The following TTC39A variants were observed in gnomAD, a reference collection of about 807,000 sequenced individuals.
The protein encoded by TTC39A is tetratricopeptide repeat protein 39A.
TTC39A carries 46 observed loss-of-function variants against 82.3 expected under a neutral mutation model. The ratio of observed to expected loss-of-function variants is 0.56; its 90% CI spans 0.44 to 0.71. TTC39A has a LOEUF of 0.71. TTC39A is among the 30% of genes least tolerant of loss of function. TTC39A has a pLI of 0.00. For missense variants in TTC39A, 543 were observed against 712.9 expected (o/e 0.76, Z 2.71); for synonymous variants, 254 against 275.2 (o/e 0.92, Z 0.76).
chr1:51,308,271 G>A (rs989479373), intron 6 of TTC39A, among the ~76,000 whole-genome samples: 6 of 147,646 alleles, frequency 4.1e-5, no homozygotes, highest in Non-Finnish European at 5.9e-5. Context: ...ATGACGTCTC[G>A]CTCTGTCACC....
chr1:51,312,442 T>C (rs1462681491), intron 3 of TTC39A, among the ~76,000 whole-genome samples: 1 of 152,208 alleles, frequency 6.6e-6, no homozygotes, highest in African/African-American at 2.4e-5. Context: ...GCTGAGGCTA[T>C]ACAGCAGCTC....
intron 1 of TTC39A, chr1:51,344,968 G>T: frequency 2.6e-6 from 4 of 1,526,336 alleles, no homozygotes; most frequent in Non-Finnish European, 3.5e-6. Flanking sequence ...GCCTTCCGCC[G>T]AGTCCCCACC....
At chr1:51,308,235 G>A (rs1021859344) in intron 6 of TTC39A, among the ~76,000 whole-genome samples, 88 of 149,078 alleles carry the variant, frequency 5.9e-4, no homozygotes, top group African/African-American at 2.1e-3. Context: ...ACCTCTTGCC[G>A]CCACCCCCCC....
chr1:51,322,278 G>C (rs1214243330), intron 1 of TTC39A: 1 of 1,440,310 alleles, frequency 6.9e-7, no homozygotes, highest in East Asian at 2.5e-5. Flanking sequence ...TAGAATCCCT[G>C]ACGTTGTCAC....
At chr1:51,317,099 AG>A (rs1399966437) in intron 2 of TTC39A, among the ~76,000 whole-genome samples, 1 of 152,236 alleles carries the variant, frequency 6.6e-6, no homozygotes, top group Non-Finnish European at 1.5e-5. Flanking sequence ...TGGAAAGCAG[AG>A]GCAAGGCGGG....
In TTC39A at chr1:51,303,648, C is replaced by T. The variant is rs1305470588; in HGVS notation, c.655-456G>A. Among the ~76,000 whole-genome samples the T allele has an allele frequency of 2.0e-5, 3 of 152,192 alleles. 1 individual carries two copies. The highest frequency in any genetic ancestry group is 7.2e-5 in the African/African-American group (3 of 41,450). On this transcript the variant is annotated intron_variant, in intron 8 of 17. Coordinates refer to ENST00000680483, the MANE Select transcript of TTC39A (RefSeq NM_001297663.2). Reference sequence around the variant, plus strand: ...GGAGGGGCTGGGGGCAGACCCCCCACCTTGTTTCCCTGCCTGCAGTCTCTG... The same window carrying T: ...GGAGGGGCTGGGGGCAGACCCCCCATCTTGTTTCCCTGCCTGCAGTCTCTG...
chr1:51,342,128 T>C (rs538460461), intron 1 of TTC39A, among the ~76,000 whole-genome samples: 83 of 152,324 alleles, frequency 5.4e-4, no homozygotes, highest in African/African-American at 1.8e-3. Flanking sequence ...GGCTATGGTA[T>C]GGCTAAGAAG....
At chr1:51,296,005 G>A (rs1644404741) in intron 13 of TTC39A, 74 bp downstream of exon 13, 1 of 1,499,224 alleles carries the variant, frequency 6.7e-7, no homozygotes, top group East Asian at 2.5e-5. Flanking sequence ...GCTCAGGGTG[G>A]CCTGGCTGGT....
chr1:51,324,393 A>G (rs1364818947), intron 1 of TTC39A, among the ~76,000 whole-genome samples: 2 of 152,110 alleles, frequency 1.3e-5, no homozygotes, highest in Admixed American at 6.5e-5. Flanking sequence ...AGATTTCTGA[A>G]ATGTGTAAAT....
rs763633434 is a variant in TTC39A, at chr1:51,288,241, G to A, written c.1650C>T (p.His550=). Residue 550 remains histidine (H), a synonymous_variant, in exon 18 of 18, where the codon CAC becomes CAT. Transcript: ENST00000680483. The surrounding 1 kb of genome is among the most constrained non-coding windows in gnomAD (Gnocchi z 4.8). ...YKNYSMESRT[H]FRIQAATLQA... is the part of the protein sequence containing the mutation. ...GGAGTGTGGCTGCCTGGATTCGAAA[G>A]TGTGTCCTTGACTCCATGGAGTAAT... 1.2e-6 allele frequency: 2 copies of A among 1,613,938 alleles called. No individual in the cohort carries two copies. The highest frequency in any genetic ancestry group is 1.3e-5 in the African/African-American group (1 of 74,946).
At chr1:51,307,099 C>T (rs1406887450) in intron 6 of TTC39A, among the ~76,000 whole-genome samples, 2 of 152,134 alleles carry the variant, frequency 1.3e-5, no homozygotes, top group Non-Finnish European at 2.9e-5. Context: ...GGCCCAATGA[C>T]CTAAGGCAGA....
chr1:51,344,165 C>G (rs1323001776), intron 1 of TTC39A, among the ~76,000 whole-genome samples: 1 of 152,100 alleles, frequency 6.6e-6, no homozygotes, highest in Non-Finnish European at 1.5e-5. Context: ...CACGGGGACA[C>G]CGGAGGAGGA....
At chr1:51,332,386 G>A (rs1328235346), upstream of TTC39A, among the ~76,000 whole-genome samples, 4 of 152,162 alleles carry the variant, frequency 2.6e-5, no homozygotes, top group African/African-American at 7.2e-5. Context: ...ACAGCCTCCC[G>A]AGTAGCTGAG....
chr1:51,344,672 C>G (rs1490647643), intron 1 of TTC39A, among the ~76,000 whole-genome samples: 1 of 152,238 alleles, frequency 6.6e-6, no homozygotes, highest in Non-Finnish European at 1.5e-5. Flanking sequence ...CGCCGCTGCC[C>G]AAACCTGACC....
chr1:51,313,624 C>A (rs1028060102), intron 2 of TTC39A, among the ~76,000 whole-genome samples: 2 of 152,222 alleles, frequency 1.3e-5, no homozygotes, highest in Non-Finnish European at 2.9e-5. Flanking sequence ...CCCAGCCACA[C>A]TGAACCACAC....
chr1:51,307,066 G>C (rs907375439), intron 6 of TTC39A, among the ~76,000 whole-genome samples: 1 of 152,182 alleles, frequency 6.6e-6, no homozygotes, highest in African/African-American at 2.4e-5. Flanking sequence ...AACCACCTTG[G>C]CATATTTGAA....
upstream of TTC39A, chr1:51,331,065 C>T: frequency 2.0e-6 from 2 of 975,800 alleles, no homozygotes; most frequent in Non-Finnish European, 3.2e-6. Context: ...GCAGTTCACA[C>T]TGCCTTCTCA....
intron 1 of TTC39A, among the ~76,000 whole-genome samples, chr1:51,323,394 A>G (rs1213663562): frequency 1.3e-5 from 2 of 152,170 alleles, no homozygotes; most frequent in African/African-American, 2.4e-5. Flanking sequence ...GATTATAGGT[A>G]TAAGCCACAG....
chr1:51,316,776 A>T (rs1455559966), intron 2 of TTC39A, among the ~76,000 whole-genome samples: 3 of 152,056 alleles, frequency 2.0e-5, no homozygotes, highest in African/African-American at 7.2e-5. Context: ...ACCCCCACAC[A>T]TGCCCCCAGT....
Sources: gnomAD v4.1 joint callset for allele counts (sites outside exome capture counted in the v4.1 genomes callset) on GRCh38, gnomAD v4.1.1 for gene constraint, Gnocchi (gnomAD v3.1) non-coding constraint, MANE v1.5 for transcripts, NCBI Gene and HGNC (gene_info 2026-07-23, HGNC 2026-07-21) for gene names.